Variants in SLC7A11 observed in about 807,000 individuals in gnomAD.
The protein encoded by SLC7A11 is solute carrier family 7 member 11.
Under a neutral mutation model 54.5 loss-of-function variants are expected in SLC7A11, and 35 were observed. That is an observed-to-expected ratio of 0.64 (90% CI 0.49 to 0.85). The LOEUF is 0.85. Ranked by LOEUF, SLC7A11 falls within the 40% of genes least tolerant of loss-of-function variation. SLC7A11 has a pLI of 0.00. For synonymous variants in SLC7A11, 230 were observed against 225.2 expected (o/e 1.02, Z -0.19); for missense variants, 583 against 618.1 (o/e 0.94, Z 0.60).
Position 138,171,730 on chromosome 4 carries a change from T to TG in SLC7A11, c.*225dup, listed in dbSNP as rs1736429629. 2.1e-6 allele frequency: 1 copy of TG among 478,976 alleles called. No homozygotes were observed. 29.7% of individuals were successfully genotyped at this position (478,976 alleles called of 1,614,324 possible). A position where few individuals can be genotyped will look rare whatever the true frequency, so the allele number is the denominator to read the frequency against. ...AGGTAGGTATCAGAGACTCAAGAAT[T>TG]GTGCGACTCATAGAATAACTGCATA... is the stretch of plus-strand genomic sequence containing the variant. On this transcript the variant is annotated 3_prime_UTR_variant, in exon 12 of 12. Coordinates refer to ENST00000280612, the MANE Select transcript of SLC7A11 (RefSeq NM_014331.4).
chr4:138,176,529 T>C lies in SLC7A11; in HGVS notation c.1444+2688A>G, dbSNP rs184175630. ...CAAGCATGAAAACCGCTTGTTGAGATGAACTGACAAAGAAATAATACAAAG... is the reference window on the plus strand; with the variant it reads ...CAAGCATGAAAACCGCTTGTTGAGACGAACTGACAAAGAAATAATACAAAG... On this transcript the variant is annotated intron_variant, in intron 11 of 11. Coordinates refer to ENST00000280612, the MANE Select transcript of SLC7A11 (RefSeq NM_014331.4). 35 of 152,272 alleles carry C rather than the reference T, an allele frequency of 2.3e-4. No individual in the cohort carries two copies. In the East Asian group the frequency reaches 5.6e-3, roughly 24 times the overall value. 9.4% of individuals were successfully genotyped at this position (152,272 alleles called of 1,614,324 possible). A position where few individuals can be genotyped will look rare whatever the true frequency, so the allele number is the denominator to read the frequency against.
At chr4:138,186,010 T>A (rs932038473) in intron 6 of SLC7A11, among the ~76,000 whole-genome samples, 1 of 152,080 alleles carries the variant, frequency 6.6e-6, no homozygotes, top group Non-Finnish European at 1.5e-5. Context: ...TGACATGCTG[T>A]GAAGTACGGA....
intron 6 of SLC7A11, among the ~76,000 whole-genome samples, chr4:138,192,030 A>G (rs1233075666): frequency 6.6e-6 from 1 of 152,132 alleles, no homozygotes; most frequent in African/African-American, 2.4e-5. Flanking sequence ...TAATTTTTTA[A>G]AAAAATTTAT....
chr4:138,197,002 AT>A (rs1317937087), intron 6 of SLC7A11, among the ~76,000 whole-genome samples: 2 of 152,176 alleles, frequency 1.3e-5, no homozygotes, highest in African/African-American at 4.8e-5. Flanking sequence ...TCTAATAAGA[AT>A]TTCATTAAAA....
At chr4:138,231,359 AAATG>A (rs1738073518) in intron 3 of SLC7A11, among the ~76,000 whole-genome samples, 1 of 152,190 alleles carries the variant, frequency 6.6e-6, no homozygotes, top group Admixed American at 6.5e-5. Flanking sequence ...AAAAATAAAT[AAATG>A]AATTACAGGC....
rs527985967 is a variant in SLC7A11, at chr4:138,195,237, T to C, written c.792-9993A>G. Among the ~76,000 whole-genome samples, 9 of 152,336 alleles carry C rather than the reference T, an allele frequency of 5.9e-5. No individual in the cohort carries two copies. The South Asian group carries it at 1.0e-3, about 18-fold the overall frequency. ...TCAGACCTCTGGACGGTCACATACATTGACTGTATTATTTCACGTAATGTC... is the reference window on the plus strand; with the variant it reads ...TCAGACCTCTGGACGGTCACATACACTGACTGTATTATTTCACGTAATGTC... On this transcript the variant is annotated intron_variant, in intron 6 of 11. Transcript: ENST00000280612.
intron 6 of SLC7A11, among the ~76,000 whole-genome samples, chr4:138,213,568 T>G: frequency 7.1e-6 from 1 of 141,484 alleles, no homozygotes; most frequent in South Asian, 2.4e-4. Context: ...TCTCCTCCCA[T>G]ACCCCTCTTC....
At chr4:138,180,890 A>T in intron 9 of SLC7A11, 100 bp from the exon 10 acceptor site, 1 of 987,650 alleles carries the variant, frequency 1.0e-6, no homozygotes, top group African/African-American at 1.6e-5. Context: ...TCAAATAATT[A>T]TTTATACCGA....
intron 7 of SLC7A11, 112 bp from the exon 8 acceptor site, chr4:138,183,417 A>G (rs1039856878): frequency 1.0e-5 from 7 of 687,296 alleles, no homozygotes; most frequent in Non-Finnish European, 1.8e-5. Flanking sequence ...TGATACTTGT[A>G]TGTTTTATAA....
intron 6 of SLC7A11, among the ~76,000 whole-genome samples, chr4:138,185,974 C>T (rs959847880): frequency 4.6e-5 from 7 of 152,036 alleles, no homozygotes; most frequent in Admixed American, 1.3e-4. Flanking sequence ...AATGCAACAG[C>T]GCAGATAATC....
intron 1 of SLC7A11, among the ~76,000 whole-genome samples, chr4:138,240,035 T>C (rs1014400122): frequency 1.3e-5 from 2 of 152,186 alleles, no homozygotes; most frequent in Non-Finnish European, 2.9e-5. Flanking sequence ...TTAATATTAA[T>C]AGTGGCTAAG....
At chr4:138,231,463 T>C (rs1383433854) in intron 3 of SLC7A11, among the ~76,000 whole-genome samples, 1 of 152,194 alleles carries the variant, frequency 6.6e-6, no homozygotes, top group Non-Finnish European at 1.5e-5. Context: ...ATTATGCAGT[T>C]GAGTTATTCC....
rs752680028 is a variant in SLC7A11, at chr4:138,170,271, T to TATATATATATATATACACAC, written c.*1684_*1685insGTGTGTATATATATATATAT. The TATATATATATATATACACAC allele has an allele frequency of 9.3e-5, 8 of 86,210 alleles. No individual in the cohort carries two copies. Among genetic ancestry groups the TATATATATATATATACACAC allele is most frequent in the African/African-American group, 2.9e-4 (7 of 23,754 alleles). The allele number at this position is 86,210 out of a possible 1,614,324, so 5.3% of individuals were successfully genotyped here. ...GTGTGTATATATATATATATATATATACACACACACACACACACACACATA... is the reference window on the plus strand; with the variant it reads ...GTGTGTATATATATATATATATATATATATATATATATATACACACACACACACACACACACACACACATA... On this transcript the variant is annotated 3_prime_UTR_variant, in exon 12 of 12. Transcript: ENST00000280612.
chr4:138,173,282 T>C (rs1736482322), intron 11 of SLC7A11, among the ~76,000 whole-genome samples: 1 of 152,184 alleles, frequency 6.6e-6, no homozygotes, highest in Non-Finnish European at 1.5e-5. Context: ...TTTCTCCTCA[T>C]TCATGGCTTG....
intron 1 of SLC7A11, 22 bp downstream of exon 1, chr4:138,241,771 C>G (rs1738385120): frequency 5.7e-6 from 9 of 1,575,546 alleles, no homozygotes; most frequent in Non-Finnish European, 7.9e-6. Context: ...CACGCCCCCA[C>G]GAGAGAAAAA....
intron 10 of SLC7A11, 88 bp downstream of exon 10, chr4:138,180,553 C>T: frequency 3.7e-6 from 5 of 1,350,398 alleles, no homozygotes; most frequent in Non-Finnish European, 3.0e-6. Context: ...GCCCCCAGCC[C>T]AACCTCCCCA....
chr4:138,194,192 T>C (rs1298050092), intron 6 of SLC7A11, among the ~76,000 whole-genome samples: 5 of 152,138 alleles, frequency 3.3e-5, no homozygotes, highest in African/African-American at 7.2e-5. Context: ...AAAGTGGTGA[T>C]GAAGACTCCT....
chr4:138,178,353 G>A (rs997032117), intron 11 of SLC7A11, among the ~76,000 whole-genome samples: 2 of 152,054 alleles, frequency 1.3e-5, no homozygotes, highest in East Asian at 3.9e-4. Flanking sequence ...TCATATTTAT[G>A]TGCCACATTT....
intron 1 of SLC7A11, among the ~76,000 whole-genome samples, chr4:138,240,269 A>G (rs558561139): frequency 6.6e-6 from 1 of 152,096 alleles, no homozygotes; most frequent in South Asian, 2.1e-4. Flanking sequence ...ACTTCTTCCT[A>G]AAAATGGAAT....
Sources: allele counts gnomAD v4.1 joint callset (sites outside exome capture counted in the v4.1 genomes callset), GRCh38; gene constraint gnomAD v4.1.1; transcripts MANE v1.5; gene names NCBI Gene and HGNC (gene_info 2026-07-23, HGNC 2026-07-21).